Variants in MACROD2 observed in about 807,000 individuals in gnomAD.
The protein encoded by MACROD2 is ADP-ribose glycohydrolase MACROD2.
MACROD2 carries 36 observed loss-of-function variants against 70.4 expected under a neutral mutation model. That is an observed-to-expected ratio of 0.51 (90% CI 0.39 to 0.68). The LOEUF is 0.68. MACROD2 is among the 30% of genes least tolerant of loss of function. MACROD2 has a pLI of 0.00. For synonymous variants in MACROD2, 172 were observed against 178.8 expected, an observed-to-expected ratio of 0.96 and a Z score of 0.30; for missense variants, 496 against 538.4, an observed-to-expected ratio of 0.92 and a Z score of 0.78.
At chr20:14,842,985 C>G (rs905157526) in intron 5 of MACROD2, among the ~76,000 whole-genome samples, 11 of 151,932 alleles carry the variant, frequency 7.2e-5, no homozygotes, top group African/African-American at 2.2e-4. Flanking sequence ...GTGCCACTCT[C>G]TCTCCATTTA....
chr20:14,515,097 C>T lies in MACROD2; in HGVS notation c.301+21589C>T, dbSNP rs554894553. On this transcript the variant is annotated intron_variant, in intron 4 of 17. Coordinates refer to ENST00000684519, the MANE Select transcript of MACROD2 (RefSeq NM_001351661.2). ...TGAAAAAAGAGCATTCAAAAGTATT[C>T]TGGAACTTAAACTGAAAATTCTACA... Among the ~76,000 whole-genome samples, 88 of 152,056 alleles carry T rather than the reference C, an allele frequency of 5.8e-4. 1 individual carries two copies. The highest frequency in any genetic ancestry group is 2.0e-3 in the African/African-American group (84 of 41,516).
intron 8 of MACROD2, among the ~76,000 whole-genome samples, chr20:15,753,507 A>C (rs1220898079): frequency 6.6e-6 from 1 of 152,176 alleles, no homozygotes; most frequent in Non-Finnish European, 1.5e-5. Flanking sequence ...TTCTTTATCC[A>C]ATCCACTGTT....
At chr20:15,496,553 C>A (rs1259210860) in intron 7 of MACROD2, among the ~76,000 whole-genome samples, 1 of 152,118 alleles carries the variant, frequency 6.6e-6, no homozygotes, top group African/African-American at 2.4e-5. Context: ...ATTATGTCTT[C>A]TAAAGGTGAA....
intron 7 of MACROD2, among the ~76,000 whole-genome samples, chr20:15,494,144 A>C (rs1343288438): frequency 6.6e-6 from 1 of 152,220 alleles, no homozygotes; most frequent in Non-Finnish European, 1.5e-5. Context: ...GGTCAAGAGA[A>C]TTTAATTAGA....
chr20:15,619,113 T>C (rs1320583956), intron 8 of MACROD2, among the ~76,000 whole-genome samples: 1 of 152,158 alleles, frequency 6.6e-6, no homozygotes, highest in Non-Finnish European at 1.5e-5. Flanking sequence ...CAAGCACTGA[T>C]CTTAGAAGAA....
At chr20:14,574,940 A>G (rs962479698) in intron 4 of MACROD2, among the ~76,000 whole-genome samples, 6 of 143,038 alleles carry the variant, frequency 4.2e-5, no homozygotes, top group Non-Finnish European at 9.1e-5. Context: ...GAACCCGGGA[A>G]GCGGAGCTTG....
intron 2 of MACROD2, among the ~76,000 whole-genome samples, chr20:14,083,170 G>A (rs1274214847): frequency 5.3e-5 from 8 of 150,050 alleles, no homozygotes; most frequent in East Asian, 3.9e-4. Context: ...GGTGGCTCGC[G>A]CTTGTAATCC....
chr20:15,043,893 C>A (rs2075373375), intron 5 of MACROD2, among the ~76,000 whole-genome samples: 1 of 152,114 alleles, frequency 6.6e-6, no homozygotes, highest in South Asian at 2.1e-4. Context: ...CAAGAATGGC[C>A]AGACAGAAGA....
At chr20:14,924,853 TA>T (rs897887425) in intron 5 of MACROD2, among the ~76,000 whole-genome samples, 4 of 152,112 alleles carry the variant, frequency 2.6e-5, no homozygotes, top group African/African-American at 9.7e-5. Flanking sequence ...TAAAACATAT[TA>T]AAAACATGGA....
intron 10 of MACROD2, among the ~76,000 whole-genome samples, chr20:15,899,025 TG>T (rs2065020454): frequency 6.6e-6 from 1 of 151,856 alleles, no homozygotes; most frequent in Non-Finnish European, 1.5e-5. Context: ...ATTGTATGTA[TG>T]TATATATATG....
chr20:15,041,203 A>G (rs1378715102), intron 5 of MACROD2, among the ~76,000 whole-genome samples: 2 of 152,178 alleles, frequency 1.3e-5, no homozygotes, highest in East Asian at 1.9e-4. Flanking sequence ...TTTTAATTCT[A>G]TAATGCTACA....
At chr20:15,171,633 C>A (rs1259975868) in intron 5 of MACROD2, among the ~76,000 whole-genome samples, 2 of 152,054 alleles carry the variant, frequency 1.3e-5, no homozygotes, top group Non-Finnish European at 2.9e-5. Context: ...CTCTCTCTCT[C>A]CCCTCTCTTT....
chr20:14,098,569 T>C (rs558544187), intron 3 of MACROD2, among the ~76,000 whole-genome samples: 1 of 152,252 alleles, frequency 6.6e-6, no homozygotes, highest in Non-Finnish European at 1.5e-5. Flanking sequence ...GTAAATAACA[T>C]ATTAGGACTG....
intron 3 of MACROD2, among the ~76,000 whole-genome samples, chr20:14,404,795 AAGC>A (rs1485750211): frequency 1.3e-5 from 2 of 152,088 alleles, no homozygotes; most frequent in Admixed American, 1.3e-4. Flanking sequence ...TAGGAAGAAA[AAGC>A]AGAGCAGAGA....
At chr20:14,509,479 A>T (rs1018721658) in intron 4 of MACROD2, among the ~76,000 whole-genome samples, 2 of 152,086 alleles carry the variant, frequency 1.3e-5, no homozygotes, top group Non-Finnish European at 2.9e-5. Flanking sequence ...TTTCCATAAA[A>T]GAATAAGTAT....
chr20:15,213,543 T>G (rs2076782293), intron 5 of MACROD2, among the ~76,000 whole-genome samples: 1 of 152,004 alleles, frequency 6.6e-6, no homozygotes, highest in Non-Finnish European at 1.5e-5. Flanking sequence ...GAGATTGAGT[T>G]TATGCTGGGT....
At chr20:14,790,918 C>A (rs560957022) in intron 5 of MACROD2, among the ~76,000 whole-genome samples, 1 of 152,046 alleles carries the variant, frequency 6.6e-6, no homozygotes, top group African/African-American at 2.4e-5. Context: ...TCTGGGGGTG[C>A]CAGAGAAAGG....
chr20:15,536,957 C>T (rs2047883573), intron 8 of MACROD2, among the ~76,000 whole-genome samples: 1 of 152,082 alleles, frequency 6.6e-6, no homozygotes, highest in Non-Finnish European at 1.5e-5. Context: ...GCATGCTGTT[C>T]ACCCCTTGCC....
At chr20:14,020,895 C>T (rs1301145721) in intron 2 of MACROD2, among the ~76,000 whole-genome samples, 1 of 151,676 alleles carries the variant, frequency 6.6e-6, no homozygotes, top group Admixed American at 6.6e-5. Flanking sequence ...ACATAGGGAT[C>T]ATCTTCTTAG....
Sources: allele counts gnomAD v4.1 joint callset (sites outside exome capture counted in the v4.1 genomes callset), GRCh38; gene constraint gnomAD v4.1.1; transcripts MANE v1.5; gene names NCBI Gene and HGNC (gene_info 2026-07-23, HGNC 2026-07-21).